Variants in LRMDA observed in about 807,000 individuals in gnomAD.
LRMDA encodes the protein leucine rich melanocyte differentiation associated, also known as leucine-rich melanocyte differentiation-associated protein.
In LRMDA, 18 loss-of-function variants were observed where a neutral mutation model predicts 29.8. That is an observed-to-expected ratio of 0.60 (90% confidence interval 0.42 to 0.90). The LOEUF (loss-of-function observed/expected upper bound fraction) is 0.90. Among genes scored for constraint, LRMDA ranks in the 40% least tolerant of loss-of-function variants. The pLI is 0.00. For synonymous variants in LRMDA, 125 were observed against 109.4 expected (o/e 1.14, Z -0.89); for missense variants, 273 against 273.9 (o/e 1.00, Z 0.02).
intron 5 of LRMDA, among the ~76,000 whole-genome samples, chr10:76,315,266 G>A (rs1036717761): frequency 1.1e-4 from 16 of 152,224 alleles, no homozygotes; most frequent in African/African-American, 3.6e-4. Context: ...AAGGGCTGGT[G>A]GGAGCCAGGA....
chr10:76,009,693 T>A (rs1283176016), intron 2 of LRMDA, among the ~76,000 whole-genome samples: 2 of 152,186 alleles, frequency 1.3e-5, no homozygotes, highest in Non-Finnish European at 2.9e-5. Flanking sequence ...CTCTTTGTGG[T>A]CATCTCGGCC....
intron 5 of LRMDA, among the ~76,000 whole-genome samples, chr10:76,290,562 A>G (rs929255715): frequency 1.3e-5 from 2 of 151,950 alleles, no homozygotes; most frequent in African/African-American, 2.4e-5. Flanking sequence ...AGCTGGGATT[A>G]CAGGCGTATG....
intron 2 of LRMDA, among the ~76,000 whole-genome samples, chr10:76,003,014 TGA>T (rs1847587090): frequency 6.6e-6 from 1 of 152,214 alleles, no homozygotes; most frequent in African/African-American, 2.4e-5. Flanking sequence ...ACGGAAATGA[TGA>T]GTTTTATAAA....
At chr10:76,185,317 A>G (rs1851127519) in intron 5 of LRMDA, among the ~76,000 whole-genome samples, 1 of 152,180 alleles carries the variant, frequency 6.6e-6, no homozygotes, top group Non-Finnish European at 1.5e-5. Context: ...CCACATGGTG[A>G]TTTGGAACCA....
intron 6 of LRMDA, among the ~76,000 whole-genome samples, chr10:76,363,926 A>T (rs1226990742): frequency 4.6e-5 from 7 of 152,140 alleles, no homozygotes; most frequent in Admixed American, 4.6e-4. Context: ...TTTCCTCTTA[A>T]CTAGCTCTAA....
intron 6 of LRMDA, among the ~76,000 whole-genome samples, chr10:76,503,549 A>G (rs139150336): frequency 4.3e-4 from 66 of 151,744 alleles, no homozygotes; most frequent in East Asian, 2.1e-3. Context: ...TCCTGGATCA[A>G]TCTTGGGAGA....
intron 5 of LRMDA, among the ~76,000 whole-genome samples, chr10:76,225,726 A>T (rs998603822): frequency 9.6e-5 from 8 of 83,304 alleles, no homozygotes; most frequent in African/African-American, 3.2e-4. Flanking sequence ...ATTTATTATT[A>T]TATATATATT....
chr10:76,508,268 C>T (rs190882051), intron 6 of LRMDA, among the ~76,000 whole-genome samples: 7 of 152,246 alleles, frequency 4.6e-5, no homozygotes, highest in Non-Finnish European at 8.8e-5. Flanking sequence ...TATTTTGAGA[C>T]TGTGTAAGTA....
intron 6 of LRMDA, among the ~76,000 whole-genome samples, chr10:76,538,314 T>C (rs1843312173): frequency 6.6e-6 from 1 of 151,896 alleles, no homozygotes; most frequent in Admixed American, 6.6e-5. Context: ...CTTCCCACAT[T>C]CTTTTTGGAA....
At chr10:75,994,933 T>C (rs964585611) in intron 2 of LRMDA, among the ~76,000 whole-genome samples, 1 of 152,078 alleles carries the variant, frequency 6.6e-6, no homozygotes, top group Non-Finnish European at 1.5e-5. Flanking sequence ...TCTCAAGGAG[T>C]AGTCATTTAA....
chr10:76,130,777 G>A (rs899781198), intron 5 of LRMDA, among the ~76,000 whole-genome samples: 16 of 151,904 alleles, frequency 1.1e-4, no homozygotes, highest in African/African-American at 2.4e-5. Context: ...CTCCTGCCTC[G>A]GCCTTCCAAG....
intron 2 of LRMDA, among the ~76,000 whole-genome samples, chr10:75,548,651 G>C (rs891239493): frequency 2.0e-5 from 3 of 151,964 alleles, no homozygotes. Flanking sequence ...CCAGATGCTG[G>C]GTGGCTCATT....
chr10:75,944,738 A>G (rs546526021), intron 2 of LRMDA, among the ~76,000 whole-genome samples: 12 of 148,322 alleles, frequency 8.1e-5, no homozygotes, highest in Non-Finnish European at 1.6e-4. Flanking sequence ...ATATATATCT[A>G]TATGTATATA....
At chr10:75,521,297 T>C (rs190581286) in intron 2 of LRMDA, among the ~76,000 whole-genome samples, 407 of 152,368 alleles carry the variant, frequency 2.7e-3, no homozygotes, top group African/African-American at 9.1e-3. Flanking sequence ...TTTGTTCAGC[T>C]ATGTCCTGCC....
intron 2 of LRMDA, among the ~76,000 whole-genome samples, chr10:75,752,378 A>AT (rs1842979794): frequency 6.6e-6 from 1 of 151,858 alleles, no homozygotes; most frequent in Non-Finnish European, 1.5e-5. Flanking sequence ...GGCCTAGCTA[A>AT]TTTTTTGTAT....
In LRMDA at chr10:76,088,886, C is replaced by G. The variant is rs1326496271; in HGVS notation, c.516+30103C>G. On this transcript the variant is annotated intron_variant, in intron 5 of 6. Coordinates refer to ENST00000611255, the MANE Select transcript of LRMDA (RefSeq NM_001305581.2). Reference sequence around the variant, plus strand: ...TGATTCTATTGATTCTGTTGGGATCCCTTCTCAGTCTTTGACTTTCTTTCT... The same window carrying G: ...TGATTCTATTGATTCTGTTGGGATCGCTTCTCAGTCTTTGACTTTCTTTCT... Among the ~76,000 whole-genome samples, 4 of 151,912 alleles carry G rather than the reference C, an allele frequency of 2.6e-5. No individual in the cohort carries two copies. The East Asian group carries it at 5.8e-4, about 22-fold the overall frequency.
intron 2 of LRMDA, chr10:75,782,622 G>A: frequency 1.5e-6 from 1 of 663,692 alleles, no homozygotes; most frequent in Non-Finnish European, 1.9e-6. Context: ...TTTCCCTTGG[G>A]TTGGGAATGG....
At chr10:76,433,832 C>A (rs1239281169) in intron 6 of LRMDA, 1 of 152,226 alleles carries the variant, frequency 6.6e-6, no homozygotes, top group African/African-American at 2.4e-5. Flanking sequence ...AATGCTCTGA[C>A]TCAGCTGAAC....
chr10:75,512,138 A>G (rs577445428), intron 2 of LRMDA, among the ~76,000 whole-genome samples: 5 of 152,298 alleles, frequency 3.3e-5, no homozygotes, highest in African/African-American at 1.2e-4. Flanking sequence ...CATCAATACT[A>G]TTGTCTCTGA....
Sources: gnomAD v4.1 joint callset for allele counts (sites outside exome capture counted in the v4.1 genomes callset) on GRCh38, gnomAD v4.1.1 for gene constraint, MANE v1.5 for transcripts, NCBI Gene and HGNC (gene_info 2026-07-23, HGNC 2026-07-21) for gene names.